Variants in RAB5B observed in about 807,000 individuals in gnomAD.
The protein encoded by RAB5B is ras-related protein Rab-5B.
RAB5B carries 11 observed loss-of-function variants against 28.6 expected under a neutral mutation model. The observed-to-expected ratio is 0.38, with a 90% CI of 0.24 to 0.64. The LOEUF (loss-of-function observed/expected upper bound fraction) is 0.64. Among genes scored for constraint, RAB5B ranks in the 30% least tolerant of loss-of-function variants. The pLI, the probability that RAB5B is intolerant of heterozygous loss-of-function variation, is 0.53. For missense variants in RAB5B, 169 were observed against 265.6 expected (o/e 0.64, Z 2.53); for synonymous variants, 93 against 97.9 (o/e 0.95, Z 0.29).
At chr12:55,982,179 C>G (rs1889825737) in intron 1 of RAB5B, among the ~76,000 whole-genome samples, 1 of 151,272 alleles carries the variant, frequency 6.6e-6, no homozygotes, top group Non-Finnish European at 1.5e-5. Flanking sequence ...AGAAACCTGC[C>G]CCATCTCCCT....
intron 2 of RAB5B, among the ~76,000 whole-genome samples, chr12:55,988,960 G>A (rs1380757290): frequency 2.1e-5 from 1 of 47,028 alleles, no homozygotes; most frequent in Admixed American, 2.3e-4. Context: ...TTTTTTTTTG[G>A]ATACTGAGTC....
chr12:55,984,512 C>T (rs1479719639), intron 1 of RAB5B, among the ~76,000 whole-genome samples: 3 of 151,838 alleles, frequency 2.0e-5, no homozygotes, highest in African/African-American at 7.3e-5. Context: ...CGGAGTCTCG[C>T]TCTGTCACCC....
intron 1 of RAB5B, among the ~76,000 whole-genome samples, chr12:55,978,996 C>T (rs1416621485): frequency 6.6e-6 from 1 of 152,064 alleles, no homozygotes; most frequent in Non-Finnish European, 1.5e-5. Context: ...TGGTCTCGAA[C>T]TCCTAACCTC....
At chr12:55,977,021 C>T (rs1889663546) in intron 1 of RAB5B, among the ~76,000 whole-genome samples, 1 of 152,056 alleles carries the variant, frequency 6.6e-6, no homozygotes, top group South Asian at 2.1e-4. Context: ...GTCACCCAGG[C>T]TGGAGTGCAG....
chr12:55,974,495 C>T (rs1889590197), intron 1 of RAB5B, among the ~76,000 whole-genome samples: 4 of 152,122 alleles, frequency 2.6e-5, no homozygotes, highest in African/African-American at 9.7e-5. Flanking sequence ...GAGGTAAGCC[C>T]ATTTGCCGGG....
intron 4 of RAB5B, 95 bp downstream of exon 4, chr12:55,990,899 A>T (rs979594765): frequency 6.8e-7 from 1 of 1,469,724 alleles, no homozygotes; most frequent in Non-Finnish European, 9.3e-7. Context: ...TCAACAGAGG[A>T]CATTCATTGT....
chr12:55,995,236 A>G lies in RAB5B; in HGVS notation c.*3024A>G. ...CTCCTGAGTAGCTAGGATTACAGGC[A>G]CGCACCAACACACCCAGCTAATTTT... is the stretch of plus-strand genomic sequence containing the variant. On this transcript the variant is annotated 3_prime_UTR_variant, in exon 6 of 6. Coordinates refer to ENST00000360299, the MANE Select transcript of RAB5B (RefSeq NM_002868.4). 6.6e-6 allele frequency: 1 copy of G among 152,190 alleles called. No individual in the cohort carries two copies. The highest frequency in any genetic ancestry group is 1.5e-5 in the Non-Finnish European group (1 of 68,022). 9.4% of individuals were successfully genotyped at this position (152,190 alleles called of 1,614,324 possible).
Position 55,996,003 on chromosome 12 carries a change from A to ATATATATTTTTTTTTTTTTTTTT in RAB5B, c.*3792_*3793insATATATTTTTTTTTTTTTTTTTT. ...TATATACATATATATATATATATAT[A>ATATATATTTTTTTTTTTTTTTTT]TTTTTTTTTTAACAACTGGTAGGAT... is the stretch of plus-strand genomic sequence containing the variant. On this transcript the variant is annotated 3_prime_UTR_variant, in exon 6 of 6. Coordinates refer to ENST00000360299, the MANE Select transcript of RAB5B (RefSeq NM_002868.4). The ATATATATTTTTTTTTTTTTTTTT allele has an allele frequency of 4.1e-5, 4 of 97,406 alleles. No individual in the cohort carries two copies. The highest frequency in any genetic ancestry group is 1.9e-4 in the African/African-American group (4 of 21,148). 6.0% of individuals were successfully genotyped at this position (97,406 alleles called of 1,614,324 possible).
chr12:55,977,286 TG>T (rs1889673682), intron 1 of RAB5B, among the ~76,000 whole-genome samples: 1 of 56,438 alleles, frequency 1.8e-5, no homozygotes, highest in Non-Finnish European at 4.1e-5. Flanking sequence ...TGTGTGCGTG[TG>T]TGTGTGTGTG....
intron 2 of RAB5B, among the ~76,000 whole-genome samples, chr12:55,989,569 C>T (rs541021361): frequency 1.8e-4 from 28 of 152,326 alleles, no homozygotes; most frequent in South Asian, 8.3e-4. Flanking sequence ...CGTGAGCTAC[C>T]GTGCCCAGCC....
intron 2 of RAB5B, 65 bp from the exon 3 acceptor site, chr12:55,989,882 G>C (rs1358092799): frequency 8.5e-6 from 13 of 1,524,554 alleles, no homozygotes; most frequent in Non-Finnish European, 1.1e-5. Context: ...TTTTGAAGGG[G>C]GGGAGGGATG....
intron 4 of RAB5B, 122 bp from the exon 5 acceptor site, chr12:55,991,238 G>A: frequency 1.5e-6 from 1 of 685,332 alleles, no homozygotes. Flanking sequence ...CTGGCTCAAA[G>A]GGGTATTAAT....
At chr12:55,986,796 C>T (rs545161459) in intron 1 of RAB5B, 73 bp from the exon 2 acceptor site, 1 of 645,864 alleles carries the variant, frequency 1.5e-6, no homozygotes, top group Admixed American at 2.3e-5. Flanking sequence ...TGAAGAGGTT[C>T]TATCCTTCTC....
intron 1 of RAB5B, chr12:55,980,639 T>C: frequency 1.9e-6 from 3 of 1,597,668 alleles, no homozygotes; most frequent in Middle Eastern, 3.3e-4. Flanking sequence ...CTGCTCCTTC[T>C]GCACCTTCCT....
At chr12:55,974,491 A>G (rs1889590003) in intron 1 of RAB5B, among the ~76,000 whole-genome samples, 2 of 152,162 alleles carry the variant, frequency 1.3e-5, no homozygotes, top group Non-Finnish European at 1.5e-5. Context: ...GGGTGAGGTA[A>G]GCCCATTTGC....
At position 55,992,744 on chromosome 12, in the gene RAB5B, T is replaced by A. The variant is rs561256373; in HGVS notation, c.*532T>A. ...AGAGCAGGAGGGAGTAAGGAAACAT[T>A]TCCTTTTTGTTTTTATTTGGTTGGA... On this transcript the variant is annotated 3_prime_UTR_variant, in exon 6 of 6. Coordinates refer to ENST00000360299, the MANE Select transcript of RAB5B (RefSeq NM_002868.4). 3 of 302,372 alleles carry A rather than the reference T, an allele frequency of 9.9e-6. No homozygotes were observed. The highest frequency in any genetic ancestry group is 1.9e-5 in the Non-Finnish European group (3 of 160,300). 18.7% of individuals were successfully genotyped at this position (302,372 alleles called of 1,614,324 possible).
In RAB5B at chr12:55,996,003, A is replaced by ATATATATTTTTTTTTTTTTTTTTTTT; in HGVS notation, c.*3792_*3793insATATATTTTTTTTTTTTTTTTTTTTT. On this transcript the variant is annotated 3_prime_UTR_variant, in exon 6 of 6. Transcript: ENST00000360299. ...TATATACATATATATATATATATAT[A>ATATATATTTTTTTTTTTTTTTTTTTT]TTTTTTTTTTAACAACTGGTAGGAT... 1.0e-5 allele frequency: 1 copy of ATATATATTTTTTTTTTTTTTTTTTTT among 97,434 alleles called. No homozygotes were observed. Among genetic ancestry groups the ATATATATTTTTTTTTTTTTTTTTTTT allele is most frequent in the African/African-American group, 4.7e-5 (1 of 21,122 alleles). 6.0% of individuals were successfully genotyped at this position (97,434 alleles called of 1,614,324 possible).
intron 1 of RAB5B, among the ~76,000 whole-genome samples, chr12:55,979,955 T>A (rs1052069723): frequency 7.6e-4 from 116 of 152,210 alleles, no homozygotes; most frequent in African/African-American, 2.6e-3. Context: ...TATTTTATTT[T>A]TTATTTATTT....
chr12:55,990,937 A>T (rs1890096816), intron 4 of RAB5B, 133 bp downstream of exon 4: 1 of 1,182,328 alleles, frequency 8.5e-7, no homozygotes, highest in South Asian at 1.4e-5. Context: ...CACCAAGTTA[A>T]ATACAGCAAC....
Sources: allele counts gnomAD v4.1 joint callset (sites outside exome capture counted in the v4.1 genomes callset), GRCh38; gene constraint gnomAD v4.1.1; transcripts MANE v1.5; gene names NCBI Gene and HGNC (gene_info 2026-07-23, HGNC 2026-07-21).